The following MXRA7 variants were observed in gnomAD, a reference collection of about 807,000 sequenced individuals.
MXRA7 encodes the protein matrix-remodeling-associated protein 7.
Under a neutral mutation model 17.4 loss-of-function variants are expected in MXRA7, and 18 were observed. That is an observed-to-expected ratio of 1.03 (90% CI 0.71 to 1.53). The LOEUF (loss-of-function observed/expected upper bound fraction) is 1.53, where lower values mean the gene tolerates loss of function less well. Among genes scored for constraint, MXRA7 ranks in the 40% most tolerant of loss-of-function variants. The pLI is 0.00. For synonymous variants in MXRA7, 70 were observed against 101.7 expected (o/e 0.69, Z 1.87); for missense variants, 141 against 209.3 (o/e 0.67, Z 2.01).
downstream of MXRA7, chr17:76,677,730 G>C (rs755640696): frequency 6.4e-7 from 1 of 1,561,916 alleles, no homozygotes; most frequent in South Asian, 1.1e-5. Context: ...CAAAGAGGAA[G>C]AAGGTGCTCC....
chr17:76,683,713 C>G (rs1567977596), intron 3 of MXRA7: 1 of 660,646 alleles, frequency 1.5e-6, no homozygotes, highest in African/African-American at 1.8e-5. Context: ...ATGAGAAGGG[C>G]TCAGGTGGGA....
intron 1 of MXRA7, among the ~76,000 whole-genome samples, chr17:76,702,408 C>G (rs921434559): frequency 7.9e-5 from 12 of 151,936 alleles, no homozygotes; most frequent in African/African-American, 2.9e-4. Flanking sequence ...CTTAGGAGGC[C>G]GAGGCATGAG....
downstream of MXRA7, chr17:76,677,414 T>G (rs1421691585): frequency 1.9e-6 from 1 of 523,398 alleles, no homozygotes; most frequent in Non-Finnish European, 3.4e-6. Flanking sequence ...ACAATTTTGA[T>G]TCCTGCAAAG....
intron 3 of MXRA7, 109 bp downstream of exon 3, chr17:76,684,963 C>T: frequency 2.3e-6 from 2 of 867,870 alleles, no homozygotes; most frequent in African/African-American, 1.7e-5. Context: ...GTAGGAGCCC[C>T]ACCTCCTTTC....
At chr17:76,701,503 T>G (rs2099823259) in intron 1 of MXRA7, among the ~76,000 whole-genome samples, 1 of 151,912 alleles carries the variant, frequency 6.6e-6, no homozygotes. Flanking sequence ...CGTATAGATG[T>G]GGGCACCATC....
intron 1 of MXRA7, among the ~76,000 whole-genome samples, chr17:76,704,357 C>T (rs1455714315): frequency 1.3e-5 from 2 of 150,556 alleles, no homozygotes; most frequent in African/African-American, 4.9e-5. Context: ...AGGTGCCCGC[C>T]ACCACGCCCG....
chr17:76,676,305 T>G (rs954161926), downstream of MXRA7: 1 of 152,250 alleles, frequency 6.6e-6, no homozygotes, highest in African/African-American at 2.4e-5. Context: ...TCCAGCATAG[T>G]TCTAATTAAA....
rs887814358 is a variant in MXRA7 at position 76,681,792 on chromosome 17, C to T, written c.501-913G>A. On this transcript the variant is annotated intron_variant, in intron 3 of 3. Transcript: ENST00000449428. This position sits in a 1 kb window ranked among gnomAD's most constrained non-coding sequence, Gnocchi z 4.7. ...CTGCCAAGCTGTGAAGCCAGCCAAG[C>T]CCTGCCAGCTTCCCTAGCTCTGGGG... Among the ~76,000 whole-genome samples, 1 of 152,316 alleles carries T rather than the reference C, an allele frequency of 6.6e-6. No homozygotes were observed.
At chr17:76,690,777 G>A (rs892207893) in intron 1 of MXRA7, among the ~76,000 whole-genome samples, 2 of 151,984 alleles carry the variant, frequency 1.3e-5, no homozygotes, top group South Asian at 2.1e-4. Context: ...GTGCAATCAC[G>A]GCTCACTGCA....
At chr17:76,700,525 G>A (rs535559477) in intron 1 of MXRA7, among the ~76,000 whole-genome samples, 5 of 152,212 alleles carry the variant, frequency 3.3e-5, no homozygotes, top group African/African-American at 4.8e-5. Context: ...ACAGAAACAA[G>A]ATACCTTCCT....
At chr17:76,691,875 A>G (rs1416390686) in intron 1 of MXRA7, among the ~76,000 whole-genome samples, 1 of 152,212 alleles carries the variant, frequency 6.6e-6, no homozygotes, top group Non-Finnish European at 1.5e-5. Context: ...ATTAAATGAA[A>G]AACAACAGCA....
chr17:76,678,364 C>T (rs561424142), downstream of MXRA7, among the ~76,000 whole-genome samples: 2 of 152,350 alleles, frequency 1.3e-5, no homozygotes, highest in South Asian at 4.1e-4. Context: ...CACGCGGGTT[C>T]TGTGCTGGGA....
intron 1 of MXRA7, among the ~76,000 whole-genome samples, chr17:76,691,249 C>G (rs982953617): frequency 6.6e-6 from 1 of 152,320 alleles, no homozygotes; most frequent in Non-Finnish European, 1.5e-5. Flanking sequence ...CAGGGGGTAG[C>G]GTACCCCAAC....
chr17:76,709,350 G>A (rs2076694809), intron 1 of MXRA7: 1 of 152,258 alleles, frequency 6.6e-6, no homozygotes, highest in Non-Finnish European at 1.5e-5. Flanking sequence ...ACCGCGTGAG[G>A]TCTGGAAGCC....
chr17:76,696,332 C>T (rs924175719), intron 1 of MXRA7, among the ~76,000 whole-genome samples: 18 of 151,858 alleles, frequency 1.2e-4, no homozygotes, highest in African/African-American at 3.9e-4. Context: ...CCAACCTGGG[C>T]AATGAAGTGA....
At chr17:76,682,679 G>C (rs936947242) in intron 3 of MXRA7, among the ~76,000 whole-genome samples, 4 of 152,090 alleles carry the variant, frequency 2.6e-5, no homozygotes, top group African/African-American at 9.7e-5. Flanking sequence ...GCAGAGGTGT[G>C]GGGGAGCAAG....
intron 1 of MXRA7, chr17:76,689,552 T>C (rs1598347646): frequency 6.6e-6 from 1 of 152,198 alleles, no homozygotes; most frequent in Non-Finnish European, 1.5e-5. Flanking sequence ...CACAGCAAAG[T>C]ATCTCTATGG....
downstream of MXRA7, chr17:76,677,604 C>G (rs202238128): frequency 6.2e-7 from 1 of 1,611,166 alleles, no homozygotes; most frequent in Non-Finnish European, 8.5e-7. Flanking sequence ...GTCGTAGAGC[C>G]GGAGCTGCTC....
At chr17:76,678,590 C>A (rs1878728755), downstream of MXRA7, among the ~76,000 whole-genome samples, 1 of 152,174 alleles carries the variant, frequency 6.6e-6, no homozygotes. Flanking sequence ...CAGTTCCTGC[C>A]CCCCACACAC....
Sources: allele counts gnomAD v4.1 joint callset (sites outside exome capture counted in the v4.1 genomes callset), GRCh38; gene constraint gnomAD v4.1.1; non-coding constraint Gnocchi (gnomAD v3.1); transcripts MANE v1.5; gene names NCBI Gene and HGNC (gene_info 2026-07-23, HGNC 2026-07-21).